Variants in C20orf96 observed in about 807,000 individuals in gnomAD.
The protein encoded by C20orf96 is chromosome 20 open reading frame 96, also known as uncharacterized protein C20orf96.
In C20orf96, 57 loss-of-function variants were observed where a neutral mutation model predicts 52.6. That is an observed-to-expected ratio of 1.08 (90% CI 0.88 to 1.35). The LOEUF is 1.35. C20orf96 is among the 40% of genes most tolerant of loss of function. The probability of loss-of-function intolerance (pLI) is 0.00; values close to 1 mark genes in which losing one functional copy is unlikely to be tolerated. For synonymous variants in C20orf96, 168 were observed against 157.2 expected (o/e 1.07, Z -0.51); for missense variants, 478 against 443.6 (o/e 1.08, Z -0.70).
chr20:274,014 AAAG>A (rs1361225852), intron 10 of C20orf96, among the ~76,000 whole-genome samples: 1 of 147,344 alleles, frequency 6.8e-6, no homozygotes, highest in African/African-American at 2.5e-5. Context: ...AAGAAAAAGA[AAAG>A]AGAGAAAGGA....
At position 279,191 on chromosome 20, in the gene C20orf96, T is replaced by C. The variant is rs1568491617; in HGVS notation, c.446A>G (p.Gln149Arg). ...STTLHVRALL[Q>R]QQDTLATIID... The stretch of plus-strand genomic sequence containing the variant: ...TCTCACCGCCAGGGTGTCCTGCTGC[T>C]GCAGCAGGGCCCGCACGTGCAGGGT... The change falls in exon 5 of 11, where the codon CAG (glutamine) becomes CGG (arginine). Residue 149 changes from glutamine to arginine, a missense_variant. Physicochemically the swap from Gln to Arg is conservative, Grantham distance 43. Coordinates refer to ENST00000360321, the MANE Select transcript of C20orf96 (RefSeq NM_153269.3). 6.2e-7 allele frequency: 1 copy of C among 1,601,038 alleles called. No individual in the cohort carries two copies. The highest frequency in any genetic ancestry group is 1.7e-5 in the Admixed American group (1 of 59,240).
chr20:280,450 G>A (rs2012223606), intron 4 of C20orf96, among the ~76,000 whole-genome samples: 1 of 152,244 alleles, frequency 6.6e-6, no homozygotes, highest in African/African-American at 2.4e-5. Context: ...GCCAGGTGCT[G>A]TGCCTTGCTC....
chr20:279,074 G>GGGAGGGCGGAGGGAGGTTGGGAC, intron 5 of C20orf96, 98 bp downstream of exon 5: 1 of 546,380 alleles, frequency 1.8e-6, no homozygotes. Flanking sequence ...GAGGGAGGGA[G>GGGAGGGCGGAGGGAGGTTGGGAC]GGAGGGACGG....
At position 270,888 on chromosome 20, in the gene C20orf96, TA is replaced by T; in HGVS notation, c.*318del. 7 of 311,712 alleles carry T rather than the reference TA, an allele frequency of 2.2e-5. No homozygotes were observed. The highest frequency in any genetic ancestry group is 5.7e-5 in the South Asian group (1 of 17,672). 19.3% of individuals were successfully genotyped at this position (311,712 alleles called of 1,614,324 possible). On this transcript the variant is annotated 3_prime_UTR_variant, in exon 11 of 11. Transcript: ENST00000360321. Reference sequence around the variant, plus strand: ...GCAAATGTAAATCCAGCTTTATTGGTAAAAAAGGAATAGCAGATTTAATCAG... The same window carrying T: ...GCAAATGTAAATCCAGCTTTATTGGTAAAAAGGAATAGCAGATTTAATCAG...
intron 3 of C20orf96, among the ~76,000 whole-genome samples, chr20:287,851 G>A (rs1272845583): frequency 7.0e-6 from 1 of 142,190 alleles, no homozygotes; most frequent in East Asian, 2.2e-4. Flanking sequence ...AGAGTTTGCA[G>A]TGAGCTGAGA....
At chr20:286,168 T>C (rs1174700497) in intron 3 of C20orf96, among the ~76,000 whole-genome samples, 1 of 152,196 alleles carries the variant, frequency 6.6e-6, no homozygotes, top group African/African-American at 2.4e-5. Context: ...TTTATCTTTT[T>C]TTAAATTAAA....
In C20orf96 at chr20:276,808, C is replaced by T. The variant is rs767485299; in HGVS notation, c.897G>A (p.Met299Ile). 5.0e-6 allele frequency: 8 copies of T among 1,613,200 alleles called. No homozygotes were observed. In the East Asian group the frequency reaches 1.1e-4, roughly 22 times the overall value. Residue 299 changes from methionine to isoleucine, a missense_variant, in exon 9 of 11, where the codon ATG becomes ATA. By Grantham distance (10) the Met-to-Ile change is conservative. Transcript: ENST00000360321. The part of the protein sequence containing the change: ...MWESQDFLKC[M>I]QRFREIIDQF... ...GCCCACGCACTTCTCTGAACCTTTG[C>T]ATGCATTTCAGGAAGTCCTGGCTTT...
chr20:290,715 C>T lies in C20orf96; in HGVS notation c.-105G>A, dbSNP rs1053108245. 7.2e-7 allele frequency: 1 copy of T among 1,387,388 alleles called. No individual in the cohort carries two copies. Among genetic ancestry groups the T allele is most frequent in the Non-Finnish European group, 9.9e-7 (1 of 1,009,808 alleles). 85.9% of individuals were successfully genotyped at this position (1,387,388 alleles called of 1,614,324 possible). On this transcript the variant is annotated 5_prime_UTR_variant, in exon 1 of 11. Coordinates refer to ENST00000360321, the MANE Select transcript of C20orf96 (RefSeq NM_153269.3). ...GTCTCAGTGTAGATCGCGCGGTAAC[C>T]CAGGCCACTCAGAAGTCCCGAGACC...
At chr20:282,441 A>G (rs2012276395) in intron 4 of C20orf96, among the ~76,000 whole-genome samples, 1 of 152,226 alleles carries the variant, frequency 6.6e-6, no homozygotes. Flanking sequence ...TTGTTGATTC[A>G]TTAAATGAAT....
intron 3 of C20orf96, among the ~76,000 whole-genome samples, chr20:285,358 G>A (rs1190278555): frequency 6.6e-6 from 1 of 152,218 alleles, no homozygotes; most frequent in Non-Finnish European, 1.5e-5. Flanking sequence ...GTACAACCCA[G>A]CTCATCTGGG....
At position 290,734 on chromosome 20, in the gene C20orf96, C is replaced by CG; in HGVS notation, c.-125dup. The CG allele has an allele frequency of 8.5e-7, 1 of 1,180,380 alleles. No individual in the cohort carries two copies. Among genetic ancestry groups the CG allele is most frequent in the South Asian group, 1.4e-5 (1 of 73,012 alleles). The allele number at this position is 1,180,380 out of a possible 1,614,324, so 73.1% of individuals were successfully genotyped here. ...GGTAACCCAGGCCACTCAGAAGTCC[C>CG]GAGACCCGATGCTTTCGCCAGCGTC... On this transcript the variant is annotated 5_prime_UTR_variant, in exon 1 of 11. Transcript: ENST00000360321.
intron 1 of C20orf96, 118 bp from the exon 2 acceptor site, chr20:290,425 A>T (rs2012510340): frequency 3.2e-6 from 5 of 1,547,534 alleles, no homozygotes; most frequent in Non-Finnish European, 4.4e-6. Context: ...CGGGGACAAT[A>T]GCCCCGCGGG....
In C20orf96 at chr20:287,908, C is replaced by CAAAAAAAAAAAAAAAAA. The variant is rs71327437; in HGVS notation, c.187+1634_187+1650dup. Among the ~76,000 whole-genome samples the CAAAAAAAAAAAAAAAAA allele has an allele frequency of 5.1e-4, 32 of 63,078 alleles. 1 individual carries two copies. The highest frequency in any genetic ancestry group is 1.7e-3 in the African/African-American group (30 of 17,406). 41.4% of individuals were successfully genotyped at this position (63,078 alleles called of 152,430 possible). On this transcript the variant is annotated intron_variant, in intron 3 of 10. Transcript: ENST00000360321. Reference sequence around the variant, plus strand: ...TGAGCAACAAAGCGAGACTCCTTCTCAAAAAAAAAAAAAAAAAAAAAAGTC... The same window carrying CAAAAAAAAAAAAAAAAA: ...TGAGCAACAAAGCGAGACTCCTTCTCAAAAAAAAAAAAAAAAAAAAAAAAAAAAAAAAAAAAAAAGTC...
At chr20:289,779 G>C in intron 2 of C20orf96, 103 bp from the exon 3 acceptor site, 1 of 868,194 alleles carries the variant, frequency 1.2e-6, no homozygotes, top group Non-Finnish European at 1.9e-6. Context: ...CCTCTCCTGA[G>C]CCTCAATCTT....
intron 10 of C20orf96, among the ~76,000 whole-genome samples, chr20:271,648 T>C (rs1170578544): frequency 6.6e-6 from 1 of 152,188 alleles, no homozygotes; most frequent in Non-Finnish European, 1.5e-5. Flanking sequence ...TTGACCTGTG[T>C]CACCTTGAGC....
chr20:284,718 A>G (rs2012338339), intron 3 of C20orf96, among the ~76,000 whole-genome samples: 2 of 152,128 alleles, frequency 1.3e-5, no homozygotes, highest in South Asian at 4.1e-4. Flanking sequence ...TGAGATGGAC[A>G]TGATGATGGG....
rs542118837 is a variant in C20orf96, at chr20:287,089, G to A, written c.187+2470C>T. On this transcript the variant is annotated intron_variant, in intron 3 of 10. Transcript: ENST00000360321. Reference sequence around the variant, plus strand: ...CTGAGGGACTTCAAGGTTGTTTCCAGTTTTGAGGAATTATGAACGAGGCTG... The same window carrying A: ...CTGAGGGACTTCAAGGTTGTTTCCAATTTTGAGGAATTATGAACGAGGCTG... Among the ~76,000 whole-genome samples, 3 of 152,332 alleles carry A rather than the reference G, an allele frequency of 2.0e-5. No homozygotes were observed. In the South Asian group the frequency reaches 6.2e-4, roughly 32 times the overall value.
At chr20:272,178 T>C (rs986432555) in intron 10 of C20orf96, among the ~76,000 whole-genome samples, 1 of 150,890 alleles carries the variant, frequency 6.6e-6, no homozygotes, top group Non-Finnish European at 1.5e-5. Context: ...TTCTTTATAT[T>C]TGAAATTTTT....
In C20orf96 at chr20:279,097, A is replaced by C. The variant is rs1381592012; in HGVS notation, c.465+75T>G. On this transcript the variant is annotated intron_variant, in intron 5 of 10. Coordinates refer to ENST00000360321, the MANE Select transcript of C20orf96 (RefSeq NM_153269.3). Reference sequence around the variant, plus strand: ...GAGGGAGGGACGGAGGGCGGGACGGAGGGACGGAGGGAGGGAGGGAGGGAC... The same window carrying C: ...GAGGGAGGGACGGAGGGCGGGACGGCGGGACGGAGGGAGGGAGGGAGGGAC... 89 of 745,028 alleles carry C rather than the reference A, an allele frequency of 1.2e-4. 4 individuals are homozygous for C. Among genetic ancestry groups the C allele is most frequent in the Admixed American group, 2.4e-4 (4 of 16,926 alleles). The allele number at this position is 745,028 out of a possible 1,614,324, so 46.2% of individuals were successfully genotyped here. A position where few individuals can be genotyped will look rare whatever the true frequency, so the allele number is the denominator to read the frequency against.
Sources: allele counts gnomAD v4.1 joint callset (sites outside exome capture counted in the v4.1 genomes callset), GRCh38; gene constraint gnomAD v4.1.1; transcripts MANE v1.5; gene names NCBI Gene and HGNC (gene_info 2026-07-23, HGNC 2026-07-21).